Variants in RNF130 observed in about 807,000 individuals in gnomAD.
The protein encoded by RNF130 is E3 ubiquitin-protein ligase RNF130.
RNF130 carries 21 observed loss-of-function variants against 44.6 expected under a neutral mutation model. That is an observed-to-expected ratio of 0.47 (90% CI 0.33 to 0.68). The LOEUF (loss-of-function observed/expected upper bound fraction) is 0.68, where lower values mean the gene tolerates loss of function less well. RNF130 is among the 30% of genes least tolerant of loss of function. The probability of loss-of-function intolerance (pLI) is 0.02; values close to 1 mark genes in which losing one functional copy is unlikely to be tolerated. For missense variants in RNF130, 479 were observed against 560.6 expected, an observed-to-expected ratio of 0.85 and a Z score of 1.47; for synonymous variants, 214 against 210.4, an observed-to-expected ratio of 1.02 and a Z score of -0.15.
At chr5:179,979,107 A>C (rs537904389) in intron 4 of RNF130, among the ~76,000 whole-genome samples, 2 of 152,000 alleles carry the variant, frequency 1.3e-5, no homozygotes, top group Non-Finnish European at 2.9e-5. Flanking sequence ...TCAGATGGGT[A>C]GGTTAAATCC....
intron 2 of RNF130, among the ~76,000 whole-genome samples, chr5:180,028,216 T>C (rs1265046746): frequency 6.6e-6 from 1 of 152,170 alleles, no homozygotes; most frequent in Non-Finnish European, 1.5e-5. Flanking sequence ...CTCTGACCCC[T>C]TGGACCTAAG....
chr5:180,002,222 T>C (rs1227195475), intron 3 of RNF130, among the ~76,000 whole-genome samples: 1 of 152,204 alleles, frequency 6.6e-6, no homozygotes, highest in Non-Finnish European at 1.5e-5. Context: ...AAGGTACTGT[T>C]TTCCCAAAAG....
At chr5:180,025,640 T>C (rs183082497) in intron 2 of RNF130, among the ~76,000 whole-genome samples, 2 of 152,122 alleles carry the variant, frequency 1.3e-5, no homozygotes, top group Non-Finnish European at 2.9e-5. Flanking sequence ...GAATTTTTTT[T>C]AAAAAAATGT....
chr5:179,974,677 T>C (rs1762676335), intron 5 of RNF130, among the ~76,000 whole-genome samples: 1 of 152,186 alleles, frequency 6.6e-6, no homozygotes, highest in South Asian at 2.1e-4. Flanking sequence ...CAGCAGACGC[T>C]GTGGGGCAGT....
At chr5:179,944,597 C>T (rs934629999) in intron 7 of RNF130, among the ~76,000 whole-genome samples, 1 of 152,034 alleles carries the variant, frequency 6.6e-6, no homozygotes, top group Non-Finnish European at 1.5e-5. Flanking sequence ...CCTTGCAAGC[C>T]ACCATGCCTG....
downstream of RNF130, among the ~76,000 whole-genome samples, chr5:179,954,394 CCACA>C (rs1413263684): frequency 1.3e-5 from 2 of 152,184 alleles, no homozygotes; most frequent in Non-Finnish European, 2.9e-5. Context: ...GGAGTGTTAA[CCACA>C]CAAAGAAGTT....
chr5:179,949,023 C>T (rs1324808452), intron 7 of RNF130, among the ~76,000 whole-genome samples: 5 of 144,722 alleles, frequency 3.5e-5, no homozygotes, highest in South Asian at 4.4e-4. Flanking sequence ...TGGAATGCAA[C>T]GGTACCATCT....
At chr5:179,946,806 G>A (rs1762049828) in intron 7 of RNF130, among the ~76,000 whole-genome samples, 1 of 152,020 alleles carries the variant, frequency 6.6e-6, no homozygotes, top group Non-Finnish European at 1.5e-5. Context: ...CACCAGCCTC[G>A]GCCTCCCAAA....
intron 6 of RNF130, 71 bp from the exon 7 acceptor site, chr5:179,967,081 T>G: frequency 1.4e-6 from 2 of 1,446,908 alleles, no homozygotes; most frequent in Non-Finnish European, 1.9e-6. Flanking sequence ...TAAAAAAGAT[T>G]CTAAACTTTG....
At chr5:180,021,321 C>T (rs997463122) in intron 2 of RNF130, among the ~76,000 whole-genome samples, 1 of 152,006 alleles carries the variant, frequency 6.6e-6, no homozygotes, top group African/African-American at 2.4e-5. Context: ...GTTTGTGGCT[C>T]GTGGTTCTCT....
chr5:180,070,139 T>C (rs1269546459), intron 1 of RNF130, among the ~76,000 whole-genome samples: 3 of 152,206 alleles, frequency 2.0e-5, no homozygotes, highest in African/African-American at 7.2e-5. Flanking sequence ...GAGGCTACCA[T>C]TGTTAGTTGC....
chr5:180,021,795 A>C (rs1763877313), intron 2 of RNF130, among the ~76,000 whole-genome samples: 1 of 152,162 alleles, frequency 6.6e-6, no homozygotes, highest in African/African-American at 2.4e-5. Context: ...ACAACCCCCA[A>C]ATAAGGAGCT....
chr5:180,070,242 C>G (rs972447201), intron 1 of RNF130, among the ~76,000 whole-genome samples: 5 of 152,196 alleles, frequency 3.3e-5, no homozygotes, highest in Non-Finnish European at 5.9e-5. Flanking sequence ...AAAGTTGTTT[C>G]TACGGCCAAG....
intron 3 of RNF130, among the ~76,000 whole-genome samples, chr5:180,011,495 G>A (rs1582186529): frequency 6.6e-6 from 1 of 152,318 alleles, no homozygotes; most frequent in East Asian, 1.9e-4. Context: ...GGTTGAGGGT[G>A]GTGTTCACAC....
chr5:179,997,631 T>C (rs1410262765), intron 3 of RNF130, among the ~76,000 whole-genome samples: 1 of 152,122 alleles, frequency 6.6e-6, no homozygotes, highest in East Asian at 1.9e-4. Flanking sequence ...AGTGGCCTTA[T>C]GTTTGTATTT....
At chr5:180,013,629 C>T (rs993010754) in intron 2 of RNF130, among the ~76,000 whole-genome samples, 1 of 152,134 alleles carries the variant, frequency 6.6e-6, no homozygotes, top group African/African-American at 2.4e-5. Context: ...CAACAGACAG[C>T]AACATAACAT....
At chr5:180,000,474 T>C (rs1658303342) in intron 3 of RNF130, among the ~76,000 whole-genome samples, 1 of 152,228 alleles carries the variant, frequency 6.6e-6, no homozygotes, top group Non-Finnish European at 1.5e-5. Context: ...TTTTATCACA[T>C]AGATTTTTTA....
intron 1 of RNF130, among the ~76,000 whole-genome samples, chr5:180,055,451 T>C (rs1032918597): frequency 1.3e-5 from 2 of 150,994 alleles, no homozygotes; most frequent in African/African-American, 2.5e-5. Flanking sequence ...TGTGTGTGTG[T>C]GCGTGTGTGT....
At chr5:180,048,175 C>G (rs924238545) in intron 1 of RNF130, among the ~76,000 whole-genome samples, 2 of 152,130 alleles carry the variant, frequency 1.3e-5, no homozygotes, top group Non-Finnish European at 2.9e-5. Context: ...ATTACACACA[C>G]AGAAGGGAAT....
Sources: allele counts gnomAD v4.1 joint callset (sites outside exome capture counted in the v4.1 genomes callset), GRCh38; gene constraint gnomAD v4.1.1; transcripts MANE v1.5; gene names NCBI Gene and HGNC (gene_info 2026-07-23, HGNC 2026-07-21).